Variants in CLIP2 observed in about 807,000 individuals in gnomAD.
CLIP2 encodes the protein CAP-Gly domain containing linker protein 2, also known as CAP-Gly domain-containing linker protein 2.
Under a neutral mutation model 111.7 loss-of-function variants are expected in CLIP2, and 41 were observed. That is an observed-to-expected ratio of 0.37 (90% CI 0.29 to 0.48). The LOEUF is 0.48. Among genes scored for constraint, CLIP2 ranks in the 20% least tolerant of loss-of-function variants. The pLI, the probability that CLIP2 is intolerant of heterozygous loss-of-function variation, is 0.99. For synonymous variants in CLIP2, 660 were observed against 644.2 expected (o/e 1.02, Z -0.37); for missense variants, 1,160 against 1,422.1 (o/e 0.82, Z 2.96).
intron 1 of CLIP2, among the ~76,000 whole-genome samples, chr7:74,291,478 C>T (rs782078667): frequency 4.6e-5 from 7 of 152,234 alleles, no homozygotes; most frequent in Non-Finnish European, 8.8e-5. Context: ...CACTCCCTAG[C>T]TATGTGACCT....
Position 74,357,386 on chromosome 7 carries a change from G to A in CLIP2, c.1124G>A (p.Arg375Gln), listed in dbSNP as rs1554308657. The part of the protein sequence containing the change: ...QQHIEQLLAE[R>Q]DLERAEVAKA... ...CACATTGAGCAGCTGCTGGCTGAAC[G>A]AGACCTGGAACGGGCTGAGGTGGCC... The change falls in exon 6 of 17, where the codon CGA becomes CAA. Residue 375 changes from arginine (R) to glutamine (Q), a missense_variant. Around this residue, in one of 5 missense-constraint regions of CLIP2, gnomAD observed 70 missense variants for 114.9 expected, o/e 0.61. Transcript: ENST00000223398. The A allele has an allele frequency of 6.2e-7, 1 of 1,614,020 alleles. No individual in the cohort carries two copies.
chr7:74,390,743 C>CCG (rs1791271029), intron 13 of CLIP2, among the ~76,000 whole-genome samples: 1 of 7,156 alleles, frequency 1.4e-4, no homozygotes, highest in Non-Finnish European at 6.0e-4. Context: ...TATTTTCTGG[C>CCG]GGGGTGGGGG....
chr7:74,307,072 C>G (rs764073502), intron 1 of CLIP2, among the ~76,000 whole-genome samples: 1 of 152,224 alleles, frequency 6.6e-6, no homozygotes, highest in Non-Finnish European at 1.5e-5. Context: ...TCTTCCTGTT[C>G]ACTATTCTCC....
At chr7:74,371,640 A>AGAGAGAGGGAGG (rs1159605157) in intron 8 of CLIP2, among the ~76,000 whole-genome samples, 3 of 128,138 alleles carry the variant, frequency 2.3e-5, no homozygotes, top group Non-Finnish European at 4.8e-5. Context: ...GGGAATGGAG[A>AGAGAGAGGGAGG]GAGAGAGGGA....
chr7:74,343,491 C>CTTCATTCA (rs112530060), intron 3 of CLIP2, among the ~76,000 whole-genome samples: 2 of 151,940 alleles, frequency 1.3e-5, no homozygotes, highest in Admixed American at 1.3e-4. Context: ...AGAGCCTCAT[C>CTTCATTCA]TTCATTCATT....
chr7:74,365,568 C>G (rs1790455246), intron 8 of CLIP2, among the ~76,000 whole-genome samples: 1 of 152,184 alleles, frequency 6.6e-6, no homozygotes, highest in Non-Finnish European at 1.5e-5. Flanking sequence ...GGATAGGGGT[C>G]CACCCCGGAT....
intron 2 of CLIP2, among the ~76,000 whole-genome samples, chr7:74,335,384 A>C (rs932371196): frequency 6.6e-6 from 1 of 151,884 alleles, no homozygotes; most frequent in Non-Finnish European, 1.5e-5. Flanking sequence ...TTGTAGAGAC[A>C]GGGTCTTGCT....
At chr7:74,353,798 G>A in intron 3 of CLIP2, 82 bp from the exon 4 acceptor site, 2 of 1,593,330 alleles carry the variant, frequency 1.3e-6, no homozygotes, top group Non-Finnish European at 8.6e-7. Flanking sequence ...GGATGGATGG[G>A]ATAAGCCTGG....
At chr7:74,400,976 C>T (rs185552770) in intron 15 of CLIP2, among the ~76,000 whole-genome samples, 1 of 151,822 alleles carries the variant, frequency 6.6e-6, no homozygotes, top group African/African-American at 2.4e-5. Context: ...GCATTTCTGT[C>T]CTAGGAACCT....
At chr7:74,323,304 T>C (rs1789015174) in intron 2 of CLIP2, among the ~76,000 whole-genome samples, 1 of 151,840 alleles carries the variant, frequency 6.6e-6, no homozygotes, top group African/African-American at 2.4e-5. Flanking sequence ...AGAAACGGAG[T>C]CTTGCATTTG....
chr7:74,323,994 A>T (rs966565766), intron 2 of CLIP2, among the ~76,000 whole-genome samples: 21 of 151,552 alleles, frequency 1.4e-4, no homozygotes, highest in Non-Finnish European at 3.1e-4. Context: ...TTGTGGTTTT[A>T]TTTATTATTT....
intron 1 of CLIP2, among the ~76,000 whole-genome samples, chr7:74,295,152 G>C (rs1788133603): frequency 6.6e-6 from 1 of 152,092 alleles, no homozygotes; most frequent in South Asian, 2.1e-4. Flanking sequence ...TTTGTAGACA[G>C]GGTTTCACCG....
chr7:74,335,678 G>C (rs530418), intron 2 of CLIP2, among the ~76,000 whole-genome samples: 81,173 of 132,878 alleles, frequency 0.61, 23,682 homozygotes, highest in Middle Eastern at 0.71. Context: ...TTCCTTCCTT[G>C]CTTCCTTCCT....
At chr7:74,335,669 T>TCCTTCCTG (rs1789429192) in intron 2 of CLIP2, among the ~76,000 whole-genome samples, 1 of 146,890 alleles carries the variant, frequency 6.8e-6, no homozygotes, top group African/African-American at 2.5e-5. Context: ...CTTCCTTCCT[T>TCCTTCCTG]CCTTCCTTGC....
chr7:74,376,828 C>T lies in CLIP2; in HGVS notation c.2421+6C>T, dbSNP rs782750746. On this transcript the variant is annotated splice_donor_region_variant and intron_variant, in intron 10 of 16. Coordinates refer to ENST00000223398, the MANE Select transcript of CLIP2 (RefSeq NM_003388.5). This position sits in a 1 kb window ranked among gnomAD's most constrained non-coding sequence, Gnocchi z 7.1. ...GCTCCTCCCAGCACACCCACGTAGG[C>T]GCCTGCCCCTCCTGCTGGGGCGGGA... 26 of 1,566,138 alleles carry T rather than the reference C, an allele frequency of 1.7e-5. No homozygotes were observed. Among genetic ancestry groups the T allele is most frequent in the African/African-American group, 5.4e-5 (4 of 73,736 alleles).
chr7:74,291,977 T>C (rs1415259518), intron 1 of CLIP2, among the ~76,000 whole-genome samples: 1 of 149,748 alleles, frequency 6.7e-6, no homozygotes, highest in East Asian at 2.0e-4. Flanking sequence ...CAGACTTGAG[T>C]GCAATGGCGC....
intron 9 of CLIP2, among the ~76,000 whole-genome samples, chr7:74,374,469 G>A (rs1790721159): frequency 6.6e-6 from 1 of 152,204 alleles, no homozygotes; most frequent in African/African-American, 2.4e-5. Context: ...CCAGCACTTT[G>A]GGAGGCCAAG....
intron 2 of CLIP2, among the ~76,000 whole-genome samples, chr7:74,335,270 CAA>C (rs36136697): frequency 1.0e-5 from 1 of 99,878 alleles, no homozygotes; most frequent in Admixed American, 1.2e-4. Flanking sequence ...GACTCCATCT[CAA>C]AAAAAAAAAA....
chr7:74,382,198 C>T (rs1400695410), intron 11 of CLIP2, among the ~76,000 whole-genome samples: 1 of 151,238 alleles, frequency 6.6e-6, no homozygotes, highest in Non-Finnish European at 1.5e-5. Flanking sequence ...ATTCTCCTGC[C>T]TCAGCCTCCT....
Sources: gnomAD v4.1 joint callset for allele counts (sites outside exome capture counted in the v4.1 genomes callset) on GRCh38, gnomAD v4.1.1 for gene constraint, gnomAD v4.1.1 regional missense constraint, Gnocchi (gnomAD v3.1) non-coding constraint, MANE v1.5 for transcripts, NCBI Gene and HGNC (gene_info 2026-07-23, HGNC 2026-07-21) for gene names.